NTNG1: variants seen among roughly 807,000 people sequenced by gnomAD.
NTNG1 encodes netrin G1, also known as netrin-G1.
Under a neutral mutation model 54.0 loss-of-function variants are expected in NTNG1, and 16 were observed. The observed-to-expected ratio is 0.30, with a 90% CI of 0.20 to 0.45. The LOEUF (loss-of-function observed/expected upper bound fraction) is 0.45, where lower values mean the gene tolerates loss of function less well. NTNG1 is among the 20% of genes least tolerant of loss of function. The probability of loss-of-function intolerance (pLI) is 1.00; values close to 1 mark genes in which losing one functional copy is unlikely to be tolerated. For synonymous variants in NTNG1, 255 were observed against 263.1 expected (o/e 0.97, Z 0.30); for missense variants, 530 against 678.7 (o/e 0.78, Z 2.43).
intron 2 of NTNG1, among the ~76,000 whole-genome samples, chr1:107,160,368 A>G (rs140597293): frequency 1.3e-5 from 2 of 152,246 alleles, no homozygotes; most frequent in East Asian, 3.9e-4. Flanking sequence ...GATATATTGC[A>G]AATCCAACCA....
At chr1:107,192,595 A>T (rs1658045952) in intron 2 of NTNG1, among the ~76,000 whole-genome samples, 1 of 151,718 alleles carries the variant, frequency 6.6e-6, no homozygotes, top group Non-Finnish European at 1.5e-5. Flanking sequence ...TTTGCCTGAA[A>T]TCTCTCTCTT....
intron 4 of NTNG1, among the ~76,000 whole-genome samples, chr1:107,396,552 G>A (rs1028415888): frequency 9.9e-5 from 15 of 152,100 alleles, no homozygotes; most frequent in African/African-American, 3.4e-4. Flanking sequence ...GAGCAGAAAC[G>A]TGGATGTTTC....
chr1:107,350,005 G>A (rs951432418), intron 3 of NTNG1, among the ~76,000 whole-genome samples: 2 of 152,062 alleles, frequency 1.3e-5, no homozygotes, highest in African/African-American at 4.8e-5. Flanking sequence ...CCAAAGTGTT[G>A]TACTAATTTA....
At chr1:107,253,298 A>G (rs1261956539) in intron 2 of NTNG1, among the ~76,000 whole-genome samples, 1 of 152,246 alleles carries the variant, frequency 6.6e-6, no homozygotes, top group Non-Finnish European at 1.5e-5. Flanking sequence ...GAGGGCAGCC[A>G]CACTCCAATA....
At chr1:107,415,332 T>C (rs1176656392) in intron 5 of NTNG1, among the ~76,000 whole-genome samples, 1 of 152,158 alleles carries the variant, frequency 6.6e-6, no homozygotes, top group East Asian at 1.9e-4. Flanking sequence ...ACACAAGGAA[T>C]TCTTAATCCA....
chr1:107,266,065 A>G (rs528926562), intron 2 of NTNG1, among the ~76,000 whole-genome samples: 51 of 152,278 alleles, frequency 3.3e-4, no homozygotes, highest in African/African-American at 1.2e-3. Context: ...TTTTGGAGTC[A>G]TTTTTAATTG....
At chr1:107,149,877 A>G (rs776969375) in intron 2 of NTNG1, among the ~76,000 whole-genome samples, 9 of 152,132 alleles carry the variant, frequency 5.9e-5, no homozygotes, top group Non-Finnish European at 1.2e-4. Context: ...TTACCTGACT[A>G]TATTATCTTG....
intron 3 of NTNG1, among the ~76,000 whole-genome samples, chr1:107,378,678 T>G (rs891818857): frequency 8.5e-5 from 13 of 152,186 alleles, no homozygotes; most frequent in Admixed American, 7.9e-4. Context: ...AGGTACAGGT[T>G]CACAGGTCAG....
chr1:107,191,774 T>G (rs1196826302), intron 2 of NTNG1, among the ~76,000 whole-genome samples: 1 of 151,782 alleles, frequency 6.6e-6, no homozygotes, highest in East Asian at 1.9e-4. Context: ...TCTGTTCTGT[T>G]CCATTGGTCT....
intron 3 of NTNG1, among the ~76,000 whole-genome samples, chr1:107,327,300 C>G (rs1017520627): frequency 6.6e-6 from 1 of 152,072 alleles, no homozygotes; most frequent in Non-Finnish European, 1.5e-5. Flanking sequence ...TCTGATGGCT[C>G]GGGCGTGTCT....
chr1:107,223,616 TCTC>T (rs1262141019), intron 2 of NTNG1, among the ~76,000 whole-genome samples: 3 of 152,186 alleles, frequency 2.0e-5, no homozygotes, highest in African/African-American at 7.2e-5. Context: ...GTTTTTATTT[TCTC>T]CTTTTCATCA....
chr1:107,372,762 A>AT (rs1361791693), intron 3 of NTNG1, among the ~76,000 whole-genome samples: 1 of 151,394 alleles, frequency 6.6e-6, no homozygotes, highest in South Asian at 2.1e-4. Flanking sequence ...CCTCGCCATC[A>AT]TTTTTTTTTA....
At chr1:107,277,064 G>A (rs915563030) in intron 2 of NTNG1, among the ~76,000 whole-genome samples, 2 of 147,656 alleles carry the variant, frequency 1.4e-5, no homozygotes, top group East Asian at 3.9e-4. Context: ...AGGAATGAAG[G>A]TTAGATATGA....
chr1:107,165,057 G>A (rs1655681576), intron 2 of NTNG1, among the ~76,000 whole-genome samples: 1 of 152,112 alleles, frequency 6.6e-6, no homozygotes, highest in African/African-American at 2.4e-5. Context: ...TACAGAACAG[G>A]TGACTCAGGA....
intron 4 of NTNG1, among the ~76,000 whole-genome samples, chr1:107,403,028 G>T (rs1456249481): frequency 1.3e-5 from 2 of 152,116 alleles, no homozygotes; most frequent in South Asian, 2.1e-4. Context: ...GAAGAGGAGG[G>T]TATTTATTTT....
intron 5 of NTNG1, chr1:107,421,133 C>T (rs781356622): frequency 6.2e-7 from 1 of 1,606,960 alleles, no homozygotes. Context: ...AAGTTGCAAA[C>T]CACAAGAGAG....
At position 107,307,705 on chromosome 1, in the gene NTNG1, T is replaced by C. The variant is rs187100366; in HGVS notation, c.247-16577T>C. The stretch of plus-strand genomic sequence containing the variant: ...CTCCATCTTTGTCCAGTGCTAATGC[T>C]CCCATTCATCACTAGTTTCCATCTA... On this transcript the variant is annotated intron_variant, in intron 2 of 7. Transcript: ENST00000370068. Among the ~76,000 whole-genome samples the C allele has an allele frequency of 1.3e-3, 197 of 152,332 alleles. 1 individual carries two copies. The highest frequency in any genetic ancestry group is 4.6e-3 in the African/African-American group (192 of 41,590).
chr1:107,150,404 T>G (rs1439942933), intron 2 of NTNG1, among the ~76,000 whole-genome samples: 1 of 152,152 alleles, frequency 6.6e-6, no homozygotes, highest in Non-Finnish European at 1.5e-5. Context: ...TCATTACAAA[T>G]CTGGGTTGAA....
chr1:107,157,366 T>G (rs773097684), intron 2 of NTNG1, among the ~76,000 whole-genome samples: 1 of 152,200 alleles, frequency 6.6e-6, no homozygotes, highest in African/African-American at 2.4e-5. Context: ...CTAAGGTTCT[T>G]GATTGGTGTT....
Sources: allele counts gnomAD v4.1 joint callset (sites outside exome capture counted in the v4.1 genomes callset), GRCh38; gene constraint gnomAD v4.1.1; transcripts MANE v1.5; gene names NCBI Gene and HGNC (gene_info 2026-07-23, HGNC 2026-07-21).